The following TTC17 variants were observed in gnomAD, a reference collection of about 807,000 sequenced individuals.
TTC17 encodes the protein tetratricopeptide repeat domain 17.
A neutral mutation model predicts 143.8 loss-of-function variants in TTC17; 58 were observed. That is an observed-to-expected ratio of 0.40 (90% confidence interval 0.33 to 0.50). The LOEUF is 0.50. Ranked by LOEUF, TTC17 falls within the 20% of genes least tolerant of loss-of-function variation. The pLI, the probability that TTC17 is intolerant of heterozygous loss-of-function variation, is 0.49. For missense variants in TTC17, 1,273 were observed against 1,392.5 expected, an observed-to-expected ratio of 0.91 and a Z score of 1.37; for synonymous variants, 501 against 497.8, an observed-to-expected ratio of 1.01 and a Z score of -0.09.
At position 43,391,851 on chromosome 11, in the gene TTC17, C is replaced by T. The variant is rs770938541; in HGVS notation, c.562C>T (p.Pro188Ser). Residue 188 changes from proline to serine, a missense_variant, in exon 5 of 24, where the codon CCT (proline) becomes TCT (serine). Transcript: ENST00000039989. Reference protein sequence around the residue: ...GVQERVNLSAPLLPKEDPIFT... With the variant: ...GVQERVNLSASLLPKEDPIFT... Reference sequence around the variant, plus strand: ...ACAGGAGAGAGTTAATCTTTCTGCACCTCTGCTACCTAAAGAAGACCCAAT... The same window carrying T: ...ACAGGAGAGAGTTAATCTTTCTGCATCTCTGCTACCTAAAGAAGACCCAAT... 6 of 1,613,586 alleles carry T rather than the reference C, an allele frequency of 3.7e-6. No individual in the cohort carries two copies. Among genetic ancestry groups the T allele is most frequent in the African/African-American group, 2.7e-5 (2 of 74,868 alleles).
At chr11:43,430,749 A>ACACACACACACACACACAC (rs71035631) in intron 16 of TTC17, among the ~76,000 whole-genome samples, 2 of 149,634 alleles carry the variant, frequency 1.3e-5, no homozygotes, top group Non-Finnish European at 3.0e-5. Context: ...ACACACACAC[A>ACACACACACACACACACAC]AAGTTGAAAT....
At chr11:43,430,615 A>G (rs192766405) in intron 16 of TTC17, among the ~76,000 whole-genome samples, 27 of 151,920 alleles carry the variant, frequency 1.8e-4, no homozygotes, top group African/African-American at 6.3e-4. Flanking sequence ...GGGCTTAGAT[A>G]TGCTAAGGAG....
chr11:43,408,234 T>C (rs149029952), intron 15 of TTC17, among the ~76,000 whole-genome samples: 2 of 152,344 alleles, frequency 1.3e-5, no homozygotes, highest in Non-Finnish European at 2.9e-5. Flanking sequence ...GTCTAAATGT[T>C]TATAGGTTTT....
intron 18 of TTC17, 113 bp from the exon 19 acceptor site, chr11:43,447,889 A>G: frequency 7.5e-7 from 1 of 1,336,824 alleles, no homozygotes. Context: ...GACTACAGGA[A>G]TGACTAGCAC....
intron 1 of TTC17, among the ~76,000 whole-genome samples, chr11:43,372,875 T>A (rs1856623802): frequency 6.6e-6 from 1 of 152,122 alleles, no homozygotes; most frequent in South Asian, 2.1e-4. Flanking sequence ...GGAACCTGGG[T>A]AAATAATATT....
At chr11:43,452,442 A>G (rs1055671654) in intron 21 of TTC17, among the ~76,000 whole-genome samples, 2 of 152,178 alleles carry the variant, frequency 1.3e-5, no homozygotes, top group African/African-American at 4.8e-5. Context: ...CGGAGGTTGC[A>G]GTGAGCCAAG....
intron 1 of TTC17, among the ~76,000 whole-genome samples, chr11:43,369,322 A>G (rs1323920347): frequency 1.3e-5 from 2 of 152,194 alleles, no homozygotes; most frequent in Non-Finnish European, 2.9e-5. Flanking sequence ...ATTGACTGCA[A>G]CACTATAGAT....
rs1948516466 is a variant in TTC17 at position 43,493,971 on chromosome 11, A to G, written c.*67A>G. The stretch of plus-strand genomic sequence containing the variant: ...AAAAAAAGAATAAGAAAAGAAACCA[A>G]TCATTGTCAGTATCTACTATTAATG... On this transcript the variant is annotated 3_prime_UTR_variant, in exon 24 of 24. Transcript: ENST00000039989. The G allele has an allele frequency of 1.3e-6, 2 of 1,501,236 alleles. No individual in the cohort carries two copies. Among genetic ancestry groups the G allele is most frequent in the East Asian group, 2.3e-5 (1 of 43,720 alleles). The allele number at this position is 1,501,236 out of a possible 1,614,324, so 93.0% of individuals were successfully genotyped here. A position where few individuals can be genotyped will look rare whatever the true frequency, so the allele number is the denominator to read the frequency against.
At chr11:43,386,972 A>T (rs1412246222) in intron 2 of TTC17, among the ~76,000 whole-genome samples, 1 of 151,904 alleles carries the variant, frequency 6.6e-6, no homozygotes, top group Admixed American at 6.6e-5. Flanking sequence ...TTTCATGGGG[A>T]TGGGGTCTCG....
chr11:43,384,421 C>G (rs1055813125), intron 2 of TTC17, among the ~76,000 whole-genome samples: 1 of 152,072 alleles, frequency 6.6e-6, no homozygotes. Context: ...TCTGGGGGGT[C>G]GAGGCGGGCA....
intron 2 of TTC17, among the ~76,000 whole-genome samples, chr11:43,383,226 G>C (rs1356616132): frequency 6.6e-6 from 1 of 152,080 alleles, no homozygotes; most frequent in Non-Finnish European, 1.5e-5. Flanking sequence ...AATTACAAGG[G>C]AGTGGGGGAG....
At chr11:43,484,627 G>A (rs1948348613) in intron 21 of TTC17, among the ~76,000 whole-genome samples, 1 of 152,126 alleles carries the variant, frequency 6.6e-6, no homozygotes. Flanking sequence ...GGTAAATCAT[G>A]AAGAATAGAC....
chr11:43,395,890 A>G lies in TTC17; in HGVS notation c.664-819A>G, dbSNP rs183290282. 7.9e-5 allele frequency among the ~76,000 whole-genome samples: 12 copies of G among 152,312 alleles called. No homozygotes were observed. The East Asian group carries it at 1.7e-3, about 22-fold the overall frequency. On this transcript the variant is annotated intron_variant, in intron 5 of 23. Transcript: ENST00000039989. ...TGGAGTTTGATTTTTACACAGCTTT[A>G]TAGTTAAAACGTAATTATTCCCCAT...
chr11:43,457,291 T>G (rs947174839), intron 21 of TTC17, among the ~76,000 whole-genome samples: 9 of 152,022 alleles, frequency 5.9e-5, no homozygotes, highest in Admixed American at 3.9e-4. Context: ...CTTAACATTA[T>G]CAGGCAGGAA....
rs1412533715 is a variant in TTC17 at position 43,391,713 on chromosome 11, TAAAATTC to T, written c.532-107_532-101del. ...AATTTTATAGACATCTCTTATTTCT[TAAAATTC>T]CAAAATATTAGTATTTCAAAATAAA... On this transcript the variant is annotated intron_variant, in intron 4 of 23. Coordinates refer to ENST00000039989, the MANE Select transcript of TTC17 (RefSeq NM_018259.6). 8.4e-6 allele frequency: 12 copies of T among 1,435,752 alleles called. No homozygotes were observed. In the East Asian group the frequency reaches 2.7e-4, roughly 32 times the overall value. 88.9% of individuals were successfully genotyped at this position (1,435,752 alleles called of 1,614,324 possible).
At chr11:43,469,534 A>T (rs1002125014) in intron 21 of TTC17, among the ~76,000 whole-genome samples, 2 of 152,272 alleles carry the variant, frequency 1.3e-5, no homozygotes, top group African/African-American at 2.4e-5. Context: ...TCAGCAAAAA[A>T]GAACCAACAT....
intron 22 of TTC17, 165 bp from the exon 23 acceptor site, chr11:43,491,855 C>A (rs1948479392): frequency 2.7e-6 from 2 of 747,722 alleles, no homozygotes; most frequent in Admixed American, 2.7e-5. Flanking sequence ...GGTACAAGCA[C>A]CTTATCTATC....
At chr11:43,443,122 C>T (rs1317842387) in intron 16 of TTC17, among the ~76,000 whole-genome samples, 1 of 152,154 alleles carries the variant, frequency 6.6e-6, no homozygotes, top group Non-Finnish European at 1.5e-5. Context: ...TGTTCTCAGC[C>T]AGGCTTTTGG....
At position 43,459,240 on chromosome 11, in the gene TTC17, T is replaced by C. The variant is rs141759015; in HGVS notation, c.3030+7975T>C. Among the ~76,000 whole-genome samples the C allele has an allele frequency of 5.9e-5, 9 of 152,350 alleles. No individual in the cohort carries two copies. In the East Asian group the frequency reaches 1.7e-3, roughly 29 times the overall value. On this transcript the variant is annotated intron_variant, in intron 21 of 23. Coordinates refer to ENST00000039989, the MANE Select transcript of TTC17 (RefSeq NM_018259.6). ...AAATTGAAGGCATGTAGCAATCCCA[T>C]GGCAGTTGTGAAATCCATCTGCCTA...
Sources: gnomAD v4.1 joint callset for allele counts (sites outside exome capture counted in the v4.1 genomes callset) on GRCh38, gnomAD v4.1.1 for gene constraint, MANE v1.5 for transcripts, NCBI Gene and HGNC (gene_info 2026-07-23, HGNC 2026-07-21) for gene names.